Variants in C4orf51 observed in about 807,000 individuals in gnomAD.
C4orf51 encodes the protein chromosome 4 open reading frame 51, also known as uncharacterized protein C4orf51.
In C4orf51, 25 loss-of-function variants were observed where a neutral mutation model predicts 25.2. The ratio of observed to expected loss-of-function variants is 0.99; its 90% CI spans 0.72 to 1.39. C4orf51 has a LOEUF of 1.39. Among genes scored for constraint, C4orf51 ranks in the 40% most tolerant of loss-of-function variants. The pLI is 0.00. For synonymous variants in C4orf51, 100 were observed against 84.5 expected (o/e 1.18, Z -1.01); for missense variants, 252 against 239.6 (o/e 1.05, Z -0.34).
intron 2 of C4orf51, among the ~76,000 whole-genome samples, chr4:145,725,383 C>T (rs1731998353): frequency 6.6e-6 from 1 of 152,078 alleles, no homozygotes; most frequent in South Asian, 2.1e-4. Flanking sequence ...TTGGCAGTTT[C>T]TTTAAAGGTT....
chr4:145,779,658 C>G, the C4orf51 span: 1 of 1,150,400 alleles, frequency 8.7e-7, no homozygotes, highest in South Asian at 1.6e-5. Context: ...TTTTCCTGCT[C>G]ATTTCCTGTC....
chr4:145,729,297 ATTTTTT>A (rs547075220), intron 4 of C4orf51, 68 bp downstream of exon 4: 66 of 292,770 alleles, frequency 2.3e-4, no homozygotes, highest in Admixed American at 5.1e-4. Context: ...TGGTCATGTG[ATTTTTT>A]TTTTTTTTTT....
At chr4:145,688,436 G>A (rs987832638) in intron 1 of C4orf51, among the ~76,000 whole-genome samples, 1 of 152,164 alleles carries the variant, frequency 6.6e-6, no homozygotes, top group Non-Finnish European at 1.5e-5. Flanking sequence ...CACATGTCAA[G>A]GGAAGGTCCT....
At chr4:145,786,285 A>C in the C4orf51 span, among the ~76,000 whole-genome samples, 1 of 152,226 alleles carries the variant, frequency 6.6e-6, no homozygotes, top group East Asian at 1.9e-4. Context: ...ATTCCCTGAC[A>C]AAACAGTCCT....
At chr4:145,751,432 A>T (rs1411869271) in intron 1 of C4orf51, among the ~76,000 whole-genome samples, 1 of 152,148 alleles carries the variant, frequency 6.6e-6, no homozygotes, top group Non-Finnish European at 1.5e-5. Context: ...ATCCAGAAGA[A>T]TTCTCTGGAT....
chr4:145,714,760 G>T (rs1311468158), intron 2 of C4orf51, among the ~76,000 whole-genome samples: 2 of 152,148 alleles, frequency 1.3e-5, no homozygotes, highest in Non-Finnish European at 2.9e-5. Context: ...TGCCTTTGGA[G>T]ATATAGTCAT....
At chr4:145,719,712 G>A (rs775562073) in intron 2 of C4orf51, among the ~76,000 whole-genome samples, 7 of 152,190 alleles carry the variant, frequency 4.6e-5, no homozygotes, top group Middle Eastern at 3.4e-3. Flanking sequence ...TTACTAGTGC[G>A]TGGCACTGTT....
At chr4:145,701,982 C>T (rs1730478760) in intron 2 of C4orf51, among the ~76,000 whole-genome samples, 2 of 152,068 alleles carry the variant, frequency 1.3e-5, no homozygotes, top group Admixed American at 1.3e-4. Context: ...CCTTAACCCA[C>T]AAGTATAGGA....
intron 1 of C4orf51, among the ~76,000 whole-genome samples, chr4:145,694,406 G>A (rs1275361261): frequency 2.3e-3 from 304 of 130,638 alleles, no homozygotes; most frequent in African/African-American, 8.1e-3. Context: ...CAGCCGCCCC[G>A]TCTGGGAGGT....
At chr4:145,727,895 G>GCA (rs1732157574) in intron 3 of C4orf51, among the ~76,000 whole-genome samples, 1 of 101,638 alleles carries the variant, frequency 9.8e-6, no homozygotes, top group Non-Finnish European at 1.8e-5. Context: ...AAAAAAATGT[G>GCA]TATATATATA....
At chr4:145,783,983 T>C in the C4orf51 span, among the ~76,000 whole-genome samples, 2 of 152,322 alleles carry the variant, frequency 1.3e-5, no homozygotes, top group East Asian at 1.9e-4. Flanking sequence ...GTTCTCATGA[T>C]AGTGAGTTCT....
chr4:145,789,227 T>C, the C4orf51 span, among the ~76,000 whole-genome samples: 4 of 152,298 alleles, frequency 2.6e-5, no homozygotes, highest in South Asian at 4.2e-4. Context: ...CATTGCCTAT[T>C]TCTGAATTCT....
At chr4:145,697,463 A>G (rs1260074168) in intron 2 of C4orf51, among the ~76,000 whole-genome samples, 1 of 152,230 alleles carries the variant, frequency 6.6e-6, no homozygotes, top group Admixed American at 6.5e-5. Context: ...TAAGGTCTCC[A>G]TACATATTCA....
chr4:145,718,254 C>A (rs550881732), intron 2 of C4orf51, among the ~76,000 whole-genome samples: 2 of 152,212 alleles, frequency 1.3e-5, no homozygotes, highest in African/African-American at 4.8e-5. Context: ...GATATGAAAA[C>A]GTGTGAGATA....
At position 145,761,500 on chromosome 4, in the gene C4orf51, G is replaced by T; in HGVS notation, n.167-9488G>T. 4 of 1,289,814 alleles carry T rather than the reference G, an allele frequency of 3.1e-6. No individual in the cohort carries two copies. In the South Asian group the frequency reaches 4.9e-5, roughly 16 times the overall value. The allele number at this position is 1,289,814 out of a possible 1,614,324, so 79.9% of individuals were successfully genotyped here. A position where few individuals can be genotyped will look rare whatever the true frequency, so the allele number is the denominator to read the frequency against. On this transcript the variant is annotated intron_variant and non_coding_transcript_variant, in intron 1 of 1. Coordinates refer to the C4orf51 transcript ENST00000510096. This position sits in a 1 kb window ranked among gnomAD's most constrained non-coding sequence, Gnocchi z 6.8. ...CAGCTCCAGCTGGTTGGCCTTCACCGTCTGGCAGATCCGGCACTTGTACTC... is the reference window on the plus strand; with the variant it reads ...CAGCTCCAGCTGGTTGGCCTTCACCTTCTGGCAGATCCGGCACTTGTACTC...
At chr4:145,741,613 G>A (rs1733103297) in intron 1 of C4orf51, among the ~76,000 whole-genome samples, 1 of 152,164 alleles carries the variant, frequency 6.6e-6, no homozygotes, top group Non-Finnish European at 1.5e-5. Flanking sequence ...AGTGGGAAAA[G>A]GTTAGATTTC....
the C4orf51 span, among the ~76,000 whole-genome samples, chr4:145,782,343 T>C: frequency 2.6e-5 from 4 of 152,160 alleles, no homozygotes; most frequent in East Asian, 1.9e-4. Context: ...AGGCCCGTTC[T>C]TTTTTCCAGG....
rs185754534 is a variant in C4orf51, at chr4:145,728,985, A to G, written c.367-184A>G. On this transcript the variant is annotated intron_variant, in intron 3 of 5. Coordinates refer to ENST00000438731, the MANE Select transcript of C4orf51 (RefSeq NM_001080531.3). ...GGCTTTGAACTCCTGGGCTTAAACA[A>G]TCTCCTGCCTCAGCCTCCCAAGTGG... is the stretch of plus-strand genomic sequence containing the variant. Among the ~76,000 whole-genome samples, 121 of 151,876 alleles carry G rather than the reference A, an allele frequency of 8.0e-4. 4 individuals are homozygous for G. In the East Asian group the frequency reaches 0.021, roughly 26 times the overall value.
chr4:145,791,061 GACA>G, the C4orf51 span, among the ~76,000 whole-genome samples: 6 of 152,188 alleles, frequency 3.9e-5, no homozygotes, highest in African/African-American at 1.4e-4. Flanking sequence ...GGGAATCACA[GACA>G]CAGGACTGGG....
Sources: allele counts gnomAD v4.1 joint callset (sites outside exome capture counted in the v4.1 genomes callset), GRCh38; gene constraint gnomAD v4.1.1; non-coding constraint Gnocchi (gnomAD v3.1); transcripts MANE v1.5; gene names NCBI Gene and HGNC (gene_info 2026-07-23, HGNC 2026-07-21).